Variants in DUSP22 observed in about 807,000 individuals in gnomAD.
DUSP22 encodes the protein dual specificity phosphatase 22.
DUSP22 carries 24 observed loss-of-function variants against 24.5 expected under a neutral mutation model. The observed-to-expected ratio is 0.98, with a 90% CI of 0.71 to 1.38. DUSP22 has a LOEUF of 1.38. Ranked by LOEUF, DUSP22 falls within the 40% of genes most tolerant of loss-of-function variation. DUSP22 has a pLI of 0.00. For missense variants in DUSP22, 330 were observed against 269.2 expected, an observed-to-expected ratio of 1.23 and a Z score of -1.58; for synonymous variants, 160 against 106.4, an observed-to-expected ratio of 1.50 and a Z score of -3.10.
Position 349,360 on chromosome 6 carries a change from A to G in DUSP22, c.*409A>G. 1 of 1,037,418 alleles carries G rather than the reference A, an allele frequency of 9.6e-7. No individual in the cohort carries two copies. Among genetic ancestry groups the G allele is most frequent in the Non-Finnish European group, 1.2e-6 (1 of 862,748 alleles). 64.3% of individuals were successfully genotyped at this position (1,037,418 alleles called of 1,614,324 possible). ...TTTGTGTGTGTGTGAACTCTTTCTT[A>G]CTGCTGGAAGTCACAGAATTCATAT... On this transcript the variant is annotated 3_prime_UTR_variant, in exon 7 of 7. Transcript: ENST00000419235.
chr6:333,250 A>C (rs1038510985), intron 3 of DUSP22, among the ~76,000 whole-genome samples: 17 of 152,414 alleles, frequency 1.1e-4, no homozygotes, highest in South Asian at 2.1e-4. Context: ...CTGCTGCCTC[A>C]CTTTCCTCTT....
chr6:308,534 C>A (rs978780004), intron 2 of DUSP22, among the ~76,000 whole-genome samples: 1 of 152,296 alleles, frequency 6.6e-6, no homozygotes, highest in Non-Finnish European at 1.5e-5. Flanking sequence ...AGGTGCTGGC[C>A]CCGGAGTGCT....
At chr6:298,088 G>C (rs1204239291) in intron 1 of DUSP22, among the ~76,000 whole-genome samples, 2 of 152,422 alleles carry the variant, frequency 1.3e-5, no homozygotes, top group South Asian at 2.1e-4. Context: ...ATGCCGGTGG[G>C]CTCTGGTTCC....
At chr6:336,267 G>A (rs1196068874) in intron 4 of DUSP22, among the ~76,000 whole-genome samples, 1 of 152,306 alleles carries the variant, frequency 6.6e-6, no homozygotes, top group Non-Finnish European at 1.5e-5. Context: ...AACCCTCCTA[G>A]AACTGTGTGT....
Position 304,681 on chromosome 6 carries a change from T to C in DUSP22, c.55+20T>C, listed in dbSNP as rs1432951308. 1.2e-6 allele frequency: 2 copies of C among 1,613,948 alleles called. No homozygotes were observed. The highest frequency in any genetic ancestry group is 2.7e-5 in the African/African-American group (2 of 74,936). On this transcript the variant is annotated intron_variant, in intron 2 of 6. Transcript: ENST00000419235. ...TCAAAGGTGAGTTCTTGCTTTTTTA[T>C]TGTTGTGATAAAATACACATAACAT...
At chr6:340,891 C>G (rs1265422839) in intron 4 of DUSP22, among the ~76,000 whole-genome samples, 3 of 152,428 alleles carry the variant, frequency 2.0e-5, no homozygotes, top group African/African-American at 7.2e-5. Flanking sequence ...AGTAGTTGTT[C>G]AGCCTCAAAA....
At chr6:345,269 G>T (rs759132509) in intron 4 of DUSP22, among the ~76,000 whole-genome samples, 4 of 149,634 alleles carry the variant, frequency 2.7e-5, no homozygotes, top group African/African-American at 4.9e-5. Context: ...GAGTGCAGTC[G>T]TGTGATCTTG....
At chr6:306,441 C>T (rs1312856639) in intron 2 of DUSP22, among the ~76,000 whole-genome samples, 3 of 152,426 alleles carry the variant, frequency 2.0e-5, no homozygotes, top group South Asian at 2.1e-4. Context: ...TAACATAGGA[C>T]TCCTTGCAAG....
intron 3 of DUSP22, chr6:326,090 G>A (rs866095567): frequency 6.4e-3 from 1,534 of 237,832 alleles, no homozygotes; most frequent in African/African-American, 0.038. Flanking sequence ...GGGCTTCCCC[G>A]TCCTGGTGTG....
intron 4 of DUSP22, among the ~76,000 whole-genome samples, chr6:336,125 A>T (rs1337424620): frequency 6.6e-6 from 1 of 152,304 alleles, no homozygotes; most frequent in Non-Finnish European, 1.5e-5. Flanking sequence ...AGTTTTCCTG[A>T]AGCACACATC....
chr6:309,185 A>G (rs545685169), intron 2 of DUSP22, among the ~76,000 whole-genome samples: 1 of 152,426 alleles, frequency 6.6e-6, no homozygotes, highest in African/African-American at 2.4e-5. Flanking sequence ...TGTGCTATGT[A>G]GATGGCTCTC....
intron 1 of DUSP22, among the ~76,000 whole-genome samples, chr6:295,663 G>A (rs1050294655): frequency 1.7e-4 from 26 of 152,266 alleles, no homozygotes; most frequent in African/African-American, 5.8e-4. Flanking sequence ...CCGAGTGTGT[G>A]GTGGCTTGTG....
At chr6:306,377 A>G (rs1340808102) in intron 2 of DUSP22, among the ~76,000 whole-genome samples, 1 of 152,306 alleles carries the variant, frequency 6.6e-6, no homozygotes, top group African/African-American at 2.4e-5. Flanking sequence ...GCTTTAAGGA[A>G]ATATTTAAAA....
intron 3 of DUSP22, among the ~76,000 whole-genome samples, chr6:315,213 G>A (rs1259707680): frequency 6.6e-6 from 1 of 152,304 alleles, no homozygotes; most frequent in African/African-American, 2.4e-5. Flanking sequence ...ATAGAAACCT[G>A]GGGACCTTCA....
intron 1 of DUSP22, among the ~76,000 whole-genome samples, chr6:299,553 A>AATCCTCTCT (rs1757489002): frequency 2.0e-5 from 3 of 152,310 alleles, no homozygotes; most frequent in African/African-American, 7.2e-5. Flanking sequence ...CTGTGACTAC[A>AATCCTCTCT]GAGAGGGATT....
chr6:296,701 C>T (rs550213162), intron 1 of DUSP22, among the ~76,000 whole-genome samples: 3 of 152,296 alleles, frequency 2.0e-5, no homozygotes, highest in African/African-American at 2.4e-5. Flanking sequence ...AAACAAACGA[C>T]TAGTCTCTAG....
At chr6:327,312 G>C (rs1049964013) in intron 3 of DUSP22, among the ~76,000 whole-genome samples, 1 of 152,310 alleles carries the variant, frequency 6.6e-6, no homozygotes, top group Non-Finnish European at 1.5e-5. Flanking sequence ...GTCCAGCAGA[G>C]CCCCATTTAC....
chr6:331,622 A>G (rs901308047), intron 3 of DUSP22, among the ~76,000 whole-genome samples: 7 of 152,420 alleles, frequency 4.6e-5, no homozygotes, highest in African/African-American at 1.7e-4. Flanking sequence ...GATACTTTTA[A>G]GTGGGCCAGC....
rs1361446776 is a variant in DUSP22 at position 349,088 on chromosome 6, A to T, written c.*137A>T. ...GGTGGGGCGAGGGCTCCTTCCCCCA[A>T]GCAACACCGCCCAGCCCTGCTCCAG... On this transcript the variant is annotated 3_prime_UTR_variant, in exon 7 of 7. Transcript: ENST00000419235. 1 of 1,467,148 alleles carries T rather than the reference A, an allele frequency of 6.8e-7. No homozygotes were observed. Among genetic ancestry groups the T allele is most frequent in the African/African-American group, 1.4e-5 (1 of 71,152 alleles). 90.9% of individuals were successfully genotyped at this position (1,467,148 alleles called of 1,614,324 possible).
Sources: allele counts gnomAD v4.1 joint callset (sites outside exome capture counted in the v4.1 genomes callset), GRCh38; gene constraint gnomAD v4.1.1; transcripts MANE v1.5; gene names NCBI Gene and HGNC (gene_info 2026-07-23, HGNC 2026-07-21).